CALCRL: variants seen among roughly 807,000 people sequenced by gnomAD.
CALCRL encodes calcitonin receptor like receptor, also known as calcitonin gene-related peptide type 1 receptor.
Under a neutral mutation model 60.4 loss-of-function variants are expected in CALCRL, and 27 were observed. The ratio of observed to expected loss-of-function variants is 0.45; its 90% confidence interval spans 0.33 to 0.62. The LOEUF (loss-of-function observed/expected upper bound fraction) is 0.62, where lower values mean the gene tolerates loss of function less well. CALCRL is among the 20% of genes least tolerant of loss of function. The pLI is 0.03. For synonymous variants in CALCRL, 190 were observed against 182.6 expected, an observed-to-expected ratio of 1.04 and a Z score of -0.33; for missense variants, 424 against 540.7, an observed-to-expected ratio of 0.78 and a Z score of 2.14.
chr2:187,433,718 A>G (rs1690500265), intron 1 of CALCRL, among the ~76,000 whole-genome samples: 1 of 152,112 alleles, frequency 6.6e-6, no homozygotes, highest in African/African-American at 2.4e-5. Context: ...CTTTCTTGAT[A>G]TAATGTTGCC....
chr2:187,405,548 A>T (rs1689079800), intron 1 of CALCRL, among the ~76,000 whole-genome samples: 1 of 152,018 alleles, frequency 6.6e-6, no homozygotes, highest in Non-Finnish European at 1.5e-5. Flanking sequence ...AGTATTGTTA[A>T]GGAGGTGAAG....
At chr2:187,403,784 G>C (rs534720881) in intron 1 of CALCRL, among the ~76,000 whole-genome samples, 2 of 151,870 alleles carry the variant, frequency 1.3e-5, no homozygotes, top group East Asian at 3.9e-4. Context: ...AAAGTACCAT[G>C]AACTGCTGTA....
At chr2:187,372,738 A>G (rs952728739) in intron 8 of CALCRL, among the ~76,000 whole-genome samples, 2 of 152,208 alleles carry the variant, frequency 1.3e-5, no homozygotes, top group Admixed American at 1.3e-4. Context: ...GAACTGGGTT[A>G]AGAAACAGAA....
intron 1 of CALCRL, among the ~76,000 whole-genome samples, chr2:187,406,741 CAG>C (rs1221317012): frequency 1.3e-5 from 2 of 151,872 alleles, no homozygotes; most frequent in East Asian, 1.9e-4. Context: ...GAGACAGAGA[CAG>C]AGAAAGAAAA....
At chr2:187,405,960 G>GGT (rs3079520) in intron 1 of CALCRL, among the ~76,000 whole-genome samples, 1,671 of 146,700 alleles carry the variant, frequency 0.011, 18 homozygotes, top group South Asian at 0.045. Flanking sequence ...TGTATGTAGG[G>GGT]GTGTGTGTGT....
At chr2:187,413,287 ACT>A (rs1689448105) in intron 1 of CALCRL, among the ~76,000 whole-genome samples, 1 of 152,188 alleles carries the variant, frequency 6.6e-6, no homozygotes, top group Non-Finnish European at 1.5e-5. Flanking sequence ...TGGGCATAGC[ACT>A]TACATCTGAG....
chr2:187,383,567 G>A (rs754868742), intron 4 of CALCRL, among the ~76,000 whole-genome samples: 1 of 152,090 alleles, frequency 6.6e-6, no homozygotes, highest in Non-Finnish European at 1.5e-5. Flanking sequence ...AGAAGCCTGT[G>A]GTAGCCAGCT....
intron 8 of CALCRL, among the ~76,000 whole-genome samples, chr2:187,368,343 C>T (rs1326085107): frequency 6.6e-6 from 1 of 152,026 alleles, no homozygotes; most frequent in Admixed American, 6.6e-5. Flanking sequence ...TAATGTCAAA[C>T]TTCCTCTATA....
At chr2:187,403,792 G>A (rs920801884) in intron 1 of CALCRL, among the ~76,000 whole-genome samples, 4 of 151,796 alleles carry the variant, frequency 2.6e-5, no homozygotes, top group African/African-American at 4.8e-5. Flanking sequence ...ATGAACTGCT[G>A]TAATTTTACA....
intron 1 of CALCRL, among the ~76,000 whole-genome samples, chr2:187,417,563 A>G (rs1420164325): frequency 6.6e-6 from 1 of 152,114 alleles, no homozygotes; most frequent in African/African-American, 2.4e-5. Context: ...CAATTTTAAC[A>G]TGCCTTTGAC....
chr2:187,422,795 A>G (rs1689939211), intron 1 of CALCRL, among the ~76,000 whole-genome samples: 1 of 151,994 alleles, frequency 6.6e-6, no homozygotes, highest in Admixed American at 6.6e-5. Flanking sequence ...TGTATTGAAG[A>G]GAAATGGTAT....
intron 8 of CALCRL, among the ~76,000 whole-genome samples, chr2:187,365,107 A>G (rs914848254): frequency 6.6e-6 from 1 of 152,170 alleles, no homozygotes; most frequent in African/African-American, 2.4e-5. Context: ...GATTCCTGCT[A>G]TTACTTAGAG....
chr2:187,366,184 A>C (rs1046496424), intron 8 of CALCRL, among the ~76,000 whole-genome samples: 8 of 141,782 alleles, frequency 5.6e-5, no homozygotes, highest in Non-Finnish European at 1.1e-4. Context: ...CGGAGCTTGC[A>C]GTGAGCCGAG....
Position 187,363,505 on chromosome 2 carries a change from A to G in CALCRL, c.501-3T>C. The G allele has an allele frequency of 5.7e-6, 9 of 1,588,342 alleles. No individual in the cohort carries two copies. The highest frequency in any genetic ancestry group is 3.5e-5 in the South Asian group (3 of 86,506). ...TAATCCTTTGGCAACTTAGGCTCCTAAAAAGCAAGAAAAACAAGTGTGTTG... is the reference window on the plus strand; with the variant it reads ...TAATCCTTTGGCAACTTAGGCTCCTGAAAAGCAAGAAAAACAAGTGTGTTG... On this transcript the variant is annotated splice_polypyrimidine_tract_variant and splice_region_variant and intron_variant, in intron 8 of 14. Transcript: ENST00000392370.
chr2:187,383,313 A>G lies in CALCRL; in HGVS notation c.52-8T>C. ...TTCTGCTGTAACAAGAATCTAAGGG[A>G]TTAAAAAAACAACAACATCAACTTC... On this transcript the variant is annotated splice_region_variant and splice_polypyrimidine_tract_variant and intron_variant, in intron 4 of 14. Transcript: ENST00000392370. The G allele has an allele frequency of 6.3e-7, 1 of 1,581,310 alleles. No homozygotes were observed.
intron 1 of CALCRL, among the ~76,000 whole-genome samples, chr2:187,405,650 A>G (rs1689084387): frequency 6.6e-6 from 1 of 152,068 alleles, no homozygotes; most frequent in African/African-American, 2.4e-5. Context: ...CAATTCCTAG[A>G]GGAAGAGCAA....
At chr2:187,391,692 T>C (rs1390945635) in intron 1 of CALCRL, among the ~76,000 whole-genome samples, 1 of 152,110 alleles carries the variant, frequency 6.6e-6, no homozygotes, top group Non-Finnish European at 1.5e-5. Flanking sequence ...TTTTCTTTAC[T>C]ATGCAAAAAG....
rs191281797 is a variant in CALCRL at position 187,431,912 on chromosome 2, G to T, written c.-293+16127C>A. Among the ~76,000 whole-genome samples, 285 of 152,186 alleles carry T rather than the reference G, an allele frequency of 1.9e-3. 2 individuals are homozygous for T. Among genetic ancestry groups the T allele is most frequent in the African/African-American group, 6.8e-3 (281 of 41,558 alleles). ...TAGTCACAAAAAGCATCTCTGAAGA[G>T]GTGGTATATGAGCAGTGGACCTGAA... On this transcript the variant is annotated intron_variant, in intron 1 of 14. Coordinates refer to ENST00000392370, the MANE Select transcript of CALCRL (RefSeq NM_005795.6).
intron 1 of CALCRL, among the ~76,000 whole-genome samples, chr2:187,434,487 A>G (rs1690545316): frequency 6.6e-6 from 1 of 152,196 alleles, no homozygotes; most frequent in African/African-American, 2.4e-5. Context: ...TTTGACAATA[A>G]TACACAGCAT....
Sources: gnomAD v4.1 joint callset for allele counts (sites outside exome capture counted in the v4.1 genomes callset) on GRCh38, gnomAD v4.1.1 for gene constraint, MANE v1.5 for transcripts, NCBI Gene and HGNC (gene_info 2026-07-23, HGNC 2026-07-21) for gene names.